DISC1: variants seen among roughly 807,000 people sequenced by gnomAD.
DISC1 encodes DISC1 scaffold protein, also known as disrupted in schizophrenia 1 protein.
Under a neutral mutation model 84.5 loss-of-function variants are expected in DISC1, and 57 were observed. The observed-to-expected ratio is 0.67, with a 90% confidence interval of 0.55 to 0.84. DISC1 has a LOEUF of 0.84. DISC1 is among the 40% of genes least tolerant of loss of function. The pLI, the probability that DISC1 is intolerant of heterozygous loss-of-function variation, is 0.00. For synonymous variants in DISC1, 411 were observed against 415.2 expected (o/e 0.99, Z 0.12); for missense variants, 1,000 against 1,057.8 (o/e 0.95, Z 0.76).
At chr1:231,952,479 C>T (rs959693696) in intron 9 of DISC1, among the ~76,000 whole-genome samples, 1 of 152,020 alleles carries the variant, frequency 6.6e-6, no homozygotes, top group African/African-American at 2.4e-5. Flanking sequence ...AGAACTACCA[C>T]AGATAGGTGA....
At chr1:231,722,094 A>G (rs1313783733) in intron 3 of DISC1, among the ~76,000 whole-genome samples, 3 of 148,706 alleles carry the variant, frequency 2.0e-5, no homozygotes, top group African/African-American at 7.5e-5. Flanking sequence ...CGGAGCTTGC[A>G]GTGAGCCAAG....
At chr1:231,808,312 A>G (rs1336108513) in intron 8 of DISC1, among the ~76,000 whole-genome samples, 2 of 152,198 alleles carry the variant, frequency 1.3e-5, no homozygotes, top group African/African-American at 2.4e-5. Flanking sequence ...CTGCTGGCAG[A>G]TGGACTCTTG....
intron 1 of DISC1, among the ~76,000 whole-genome samples, chr1:231,688,545 G>A (rs1252396855): frequency 7.9e-5 from 12 of 152,196 alleles, no homozygotes. Context: ...AATCCGATGA[G>A]GTGGTTTTAT....
intron 9 of DISC1, among the ~76,000 whole-genome samples, chr1:231,879,183 A>G (rs1458743441): frequency 6.6e-6 from 1 of 151,956 alleles, no homozygotes; most frequent in Non-Finnish European, 1.5e-5. Context: ...TGCTCCAATT[A>G]GCATTTCCTT....
At chr1:231,832,716 G>A (rs1461177960) in intron 9 of DISC1, among the ~76,000 whole-genome samples, 1 of 146,842 alleles carries the variant, frequency 6.8e-6, no homozygotes, top group Non-Finnish European at 1.5e-5. Flanking sequence ...ATAATGGGCT[G>A]TGGAGGGAGG....
chr1:232,036,347 C>T (rs749215567), intron 12 of DISC1, among the ~76,000 whole-genome samples: 4 of 152,114 alleles, frequency 2.6e-5, no homozygotes, highest in Admixed American at 1.3e-4. Context: ...GACAGTTGCC[C>T]CACCCCAACT....
intron 10 of DISC1, among the ~76,000 whole-genome samples, chr1:232,003,152 A>G (rs1666928781): frequency 6.6e-6 from 1 of 152,224 alleles, no homozygotes; most frequent in African/African-American, 2.4e-5. Flanking sequence ...TTACACAGTA[A>G]TGAGAGTACA....
chr1:231,750,647 C>T (rs898891445), intron 4 of DISC1: 9 of 956,472 alleles, frequency 9.4e-6, no homozygotes, highest in Non-Finnish European at 1.1e-5. Flanking sequence ...AATGTCCAGG[C>T]TCCTCCCCAG....
intron 1 of DISC1, among the ~76,000 whole-genome samples, chr1:231,627,285 C>G (rs1326895326): frequency 2.0e-5 from 3 of 152,150 alleles, no homozygotes; most frequent in Non-Finnish European, 4.4e-5. Context: ...GGATCCGTCC[C>G]CGTCCTGGGA....
intron 5 of DISC1, among the ~76,000 whole-genome samples, chr1:231,769,385 G>A (rs533830908): frequency 7.2e-5 from 11 of 152,178 alleles, no homozygotes; most frequent in Non-Finnish European, 1.6e-4. Context: ...CTCATCAACA[G>A]ATAAATGATA....
rs538035001 is a variant in DISC1, at chr1:231,808,669, C to T, written c.1792+8459C>T. On this transcript the variant is annotated intron_variant, in intron 8 of 12. Coordinates refer to ENST00000439617, the MANE Select transcript of DISC1 (RefSeq NM_018662.3). Reference sequence around the variant, plus strand: ...GGTAGATGGCCCAATGCCTAGTTGTCTGACCTGTGACCAGGGGCTCCTCGC... The same window carrying T: ...GGTAGATGGCCCAATGCCTAGTTGTTTGACCTGTGACCAGGGGCTCCTCGC... Among the ~76,000 whole-genome samples, 3 of 152,344 alleles carry T rather than the reference C, an allele frequency of 2.0e-5. No homozygotes were observed. In the East Asian group the frequency reaches 5.8e-4, roughly 29 times the overall value.
At chr1:231,854,166 C>A (rs1018808777) in intron 9 of DISC1, among the ~76,000 whole-genome samples, 1 of 152,090 alleles carries the variant, frequency 6.6e-6, no homozygotes, top group Non-Finnish European at 1.5e-5. Context: ...GTCTGGTGGG[C>A]CTGAGTTTTA....
chr1:231,838,987 C>T (rs550395263), intron 9 of DISC1, among the ~76,000 whole-genome samples: 19 of 150,896 alleles, frequency 1.3e-4, no homozygotes, highest in Non-Finnish European at 2.4e-4. Flanking sequence ...CACATGTACA[C>T]AGCAAATAGG....
At chr1:231,801,787 T>G (rs773003636) in intron 8 of DISC1, among the ~76,000 whole-genome samples, 6 of 152,052 alleles carry the variant, frequency 3.9e-5, no homozygotes, top group Non-Finnish European at 8.8e-5. Context: ...TTAGGTAAGA[T>G]TCTTAAAAGC....
chr1:231,782,203 T>G (rs964329009), intron 6 of DISC1, among the ~76,000 whole-genome samples: 13 of 152,226 alleles, frequency 8.5e-5, no homozygotes, highest in Middle Eastern at 3.2e-3. Flanking sequence ...ATGTTGATAT[T>G]GGTGTTTGGA....
chr1:231,741,523 G>A (rs975763333), intron 3 of DISC1, among the ~76,000 whole-genome samples: 1 of 152,204 alleles, frequency 6.6e-6, no homozygotes, highest in Non-Finnish European at 1.5e-5. Flanking sequence ...ACTATACAAT[G>A]ACCAACACTG....
chr1:231,809,147 C>G (rs2738870), intron 8 of DISC1, among the ~76,000 whole-genome samples: 1 of 152,106 alleles, frequency 6.6e-6, no homozygotes, highest in Non-Finnish European at 1.5e-5. Context: ...AGATGTCTCT[C>G]AGTTTTTATC....
chr1:231,726,386 C>T (rs1326893151), intron 3 of DISC1, among the ~76,000 whole-genome samples: 2 of 152,022 alleles, frequency 1.3e-5, no homozygotes. Flanking sequence ...GCCTTGTAAA[C>T]CTGAGTTTCT....
chr1:232,002,453 A>G (rs919813546), intron 10 of DISC1, among the ~76,000 whole-genome samples: 25 of 152,316 alleles, frequency 1.6e-4, no homozygotes, highest in African/African-American at 6.0e-4. Context: ...TATTCATAAT[A>G]TCCCCACACT....
Sources: allele counts gnomAD v4.1 joint callset (sites outside exome capture counted in the v4.1 genomes callset), GRCh38; gene constraint gnomAD v4.1.1; transcripts MANE v1.5; gene names NCBI Gene and HGNC (gene_info 2026-07-23, HGNC 2026-07-21).